RARB: variants seen among roughly 807,000 people sequenced by gnomAD.
RARB encodes the protein retinoic acid receptor beta, also known as HBV-activated protein.
Under a neutral mutation model 51.9 loss-of-function variants are expected in RARB, and 17 were observed. The ratio of observed to expected loss-of-function variants is 0.33; its 90% CI spans 0.22 to 0.49. The LOEUF (loss-of-function observed/expected upper bound fraction) is 0.49, where lower values mean the gene tolerates loss of function less well. Among genes scored for constraint, RARB ranks in the 20% least tolerant of loss-of-function variants. The pLI is 0.99. For missense variants in RARB, 369 were observed against 550.8 expected (o/e 0.67, Z 3.30); for synonymous variants, 215 against 195.4 (o/e 1.10, Z -0.84).
Position 25,593,617 on chromosome 3 carries a change from C to G in RARB, c.901C>G (p.Leu301Val). Residue 301 changes from leucine to valine, a missense_variant, in exon 6 of 8, where the codon CTT (leucine) becomes GTT (valine). Leu to Val is a conservative substitution (Grantham distance 32, BLOSUM62 1). This residue lies in a region of RARB where 76 missense variants were observed against 153.3 expected (regional missense o/e 0.50). Transcript: ENST00000330688. ...HNAGFGPLTDLVFTFANQLLP... is the reference protein window; with the variant it reads ...HNAGFGPLTDVVFTFANQLLP... ...TGCTGGATTTGGTCCTCTGACTGACCTTGTGTTCACCTTTGCCAACCAGCT... is the reference window on the plus strand; with the variant it reads ...TGCTGGATTTGGTCCTCTGACTGACGTTGTGTTCACCTTTGCCAACCAGCT... The G allele has an allele frequency of 6.2e-7, 1 of 1,614,088 alleles. No homozygotes were observed. Among genetic ancestry groups the G allele is most frequent in the Non-Finnish European group, 8.5e-7 (1 of 1,179,996 alleles).
rs558111797 is a variant in RARB at position 24,964,668 on chromosome 3, A to G, written c.-379-95457A>G. Among the ~76,000 whole-genome samples the G allele has an allele frequency of 2.1e-4, 32 of 152,320 alleles. 1 individual carries two copies. In the South Asian group the frequency reaches 6.6e-3, roughly 32 times the overall value. The stretch of plus-strand genomic sequence containing the variant: ...TAAGTTGGTACCCATAAGCCAGTGA[A>G]GTTGGGAGTAACGAACCATTGACTA... On this transcript the variant is annotated intron_variant, in intron 2 of 11. Transcript: ENST00000383772.
intron 3 of RARB, among the ~76,000 whole-genome samples, chr3:25,117,085 A>G (rs1268623230): frequency 6.6e-6 from 1 of 152,162 alleles, no homozygotes; most frequent in Non-Finnish European, 1.5e-5. Flanking sequence ...CAATCAACGA[A>G]CCAGTGTTTT....
chr3:25,206,351 T>G (rs2125374792), intron 5 of RARB, among the ~76,000 whole-genome samples: 1 of 152,348 alleles, frequency 6.6e-6, no homozygotes, highest in South Asian at 2.1e-4. Flanking sequence ...GAATGTTTAC[T>G]TGTTTTTACA....
intron 2 of RARB, among the ~76,000 whole-genome samples, chr3:24,911,691 A>C: frequency 6.6e-6 from 1 of 152,184 alleles, no homozygotes; most frequent in East Asian, 1.9e-4. Flanking sequence ...AGTGGCTCAT[A>C]CCTGTAATCC....
chr3:25,530,181 T>C lies in RARB; in HGVS notation c.448+28858T>C, dbSNP rs951503191. Among the ~76,000 whole-genome samples, 7 of 152,260 alleles carry C rather than the reference T, an allele frequency of 4.6e-5. No homozygotes were observed. The East Asian group carries it at 1.2e-3, about 25-fold the overall frequency. On this transcript the variant is annotated intron_variant, in intron 3 of 7. Transcript: ENST00000330688. ...CCCTGGGTCTGGCACATCATAGGAG[T>C]TCAGAAGGACTTGTGAAGTTTTGTT...
intron 4 of RARB, among the ~76,000 whole-genome samples, chr3:25,144,830 T>C (rs973846071): frequency 5.9e-5 from 9 of 152,236 alleles, no homozygotes; most frequent in African/African-American, 2.2e-4. Flanking sequence ...TAATGAACAA[T>C]ACATTCTTCA....
intron 5 of RARB, among the ~76,000 whole-genome samples, chr3:25,382,094 G>C (rs1559379102): frequency 6.6e-6 from 1 of 152,124 alleles, no homozygotes; most frequent in African/African-American, 2.4e-5. Flanking sequence ...TTTGGCCCCA[G>C]AAGGGAATTG....
chr3:25,207,684 G>T (rs1435524896), intron 5 of RARB, among the ~76,000 whole-genome samples: 1 of 152,084 alleles, frequency 6.6e-6, no homozygotes, highest in Non-Finnish European at 1.5e-5. Flanking sequence ...AGTTTTGTTT[G>T]TGCTGTTCCC....
intron 2 of RARB, among the ~76,000 whole-genome samples, chr3:24,900,222 G>A (rs892567494): frequency 6.6e-6 from 1 of 152,148 alleles, no homozygotes; most frequent in Non-Finnish European, 1.5e-5. Flanking sequence ...TGCAGCGTGT[G>A]TAACTCCTTC....
At chr3:24,841,283 T>C (rs1702418595) in intron 1 of RARB, among the ~76,000 whole-genome samples, 1 of 152,236 alleles carries the variant, frequency 6.6e-6, no homozygotes, top group South Asian at 2.1e-4. Context: ...GAAAGGAGTT[T>C]ACCTGCTATA....
chr3:25,012,510 T>C (rs1697420721), intron 2 of RARB, among the ~76,000 whole-genome samples: 2 of 152,080 alleles, frequency 1.3e-5, no homozygotes, highest in African/African-American at 2.4e-5. Flanking sequence ...AGCTCCTCCT[T>C]CTGGATGTTA....
intron 5 of RARB, among the ~76,000 whole-genome samples, chr3:25,280,999 C>T (rs1168771215): frequency 6.6e-6 from 1 of 152,160 alleles, no homozygotes; most frequent in African/African-American, 2.4e-5. Context: ...TACTCTTAAA[C>T]ACATACTTTT....
At chr3:25,058,707 T>C (rs1041285760) in intron 2 of RARB, among the ~76,000 whole-genome samples, 10 of 151,754 alleles carry the variant, frequency 6.6e-5, no homozygotes, top group Admixed American at 4.6e-4. Flanking sequence ...AATTTTCTCC[T>C]ATAAAAACAA....
intron 5 of RARB, among the ~76,000 whole-genome samples, chr3:25,419,373 A>T (rs1160589042): frequency 6.6e-6 from 1 of 152,134 alleles, no homozygotes; most frequent in Non-Finnish European, 1.5e-5. Flanking sequence ...ACCAAGAGTG[A>T]GGGATTTTCC....
chr3:25,565,227 C>T (rs1031260723), intron 3 of RARB, among the ~76,000 whole-genome samples: 2 of 152,186 alleles, frequency 1.3e-5, no homozygotes, highest in Non-Finnish European at 2.9e-5. Flanking sequence ...GATGCATGGC[C>T]TCAGGCAGGG....
chr3:25,113,468 GA>G lies in RARB; in HGVS notation c.-327-18691del, dbSNP rs774065795. ...TTTTTTGTTTGTTTTCTTAGGAAATGAAGTTGTCTTCTGAGTATAAGGCCTA... is the reference window on the plus strand; with the variant it reads ...TTTTTTGTTTGTTTTCTTAGGAAATGAGTTGTCTTCTGAGTATAAGGCCTA... On this transcript the variant is annotated intron_variant, in intron 3 of 11. Transcript: ENST00000383772. 7.3e-4 allele frequency among the ~76,000 whole-genome samples: 111 copies of G among 152,280 alleles called. 2 individuals are homozygous for G. In the Middle Eastern group the frequency reaches 0.014, roughly 19 times the overall value.
intron 1 of RARB, among the ~76,000 whole-genome samples, chr3:25,445,559 C>T (rs564437896): frequency 6.6e-6 from 1 of 151,990 alleles, no homozygotes; most frequent in South Asian, 2.1e-4. Context: ...CCCAGCTACT[C>T]GAGAGGCTGA....
At chr3:25,239,745 G>A (rs143884182) in intron 5 of RARB, among the ~76,000 whole-genome samples, 1,660 of 152,124 alleles carry the variant, frequency 0.011, 29 homozygotes, top group African/African-American at 0.038. Flanking sequence ...GATGCCTCCC[G>A]CTTTGTTTTT....
intron 1 of RARB, chr3:24,833,059 C>T (rs1461349093): frequency 2.0e-5 from 3 of 152,280 alleles, no homozygotes; most frequent in African/African-American, 7.2e-5. Flanking sequence ...TCTCCACCTC[C>T]TCTCTACCTT....
Sources: gnomAD v4.1 joint callset for allele counts (sites outside exome capture counted in the v4.1 genomes callset) on GRCh38, gnomAD v4.1.1 for gene constraint, gnomAD v4.1.1 regional missense constraint, MANE v1.5 for transcripts, NCBI Gene and HGNC (gene_info 2026-07-23, HGNC 2026-07-21) for gene names.